Variants in CNTN5 observed in about 807,000 individuals in gnomAD.
CNTN5 encodes the protein contactin-5.
CNTN5 carries 77 observed loss-of-function variants against 129.1 expected under a neutral mutation model. That is an observed-to-expected ratio of 0.60 (90% CI 0.50 to 0.72). The LOEUF (loss-of-function observed/expected upper bound fraction) is 0.72, where lower values mean the gene tolerates loss of function less well. CNTN5 is among the 30% of genes least tolerant of loss of function. The pLI is 0.00. For synonymous variants in CNTN5, 509 were observed against 465.6 expected, an observed-to-expected ratio of 1.09 and a Z score of -1.20; for missense variants, 1,478 against 1,328.8, an observed-to-expected ratio of 1.11 and a Z score of -1.75.
intron 13 of CNTN5, among the ~76,000 whole-genome samples, chr11:100,085,187 A>G (rs1231489815): frequency 1.3e-5 from 2 of 151,956 alleles, no homozygotes; most frequent in Admixed American, 6.6e-5. Context: ...TTTTTCTGGG[A>G]TATGTGTCAA....
intron 8 of CNTN5, among the ~76,000 whole-genome samples, chr11:99,961,402 C>A (rs1327081322): frequency 6.6e-6 from 1 of 151,888 alleles, no homozygotes; most frequent in East Asian, 1.9e-4. Context: ...AGAGCATCAC[C>A]AAGTGAGACA....
intron 3 of CNTN5, among the ~76,000 whole-genome samples, chr11:99,712,007 T>A (rs1466591019): frequency 6.6e-6 from 1 of 152,116 alleles, no homozygotes; most frequent in Admixed American, 6.6e-5. Flanking sequence ...AGTAATATAA[T>A]GGCTAGGTCA....
intron 8 of CNTN5, among the ~76,000 whole-genome samples, chr11:99,989,094 G>A (rs1445506644): frequency 1.3e-5 from 2 of 152,096 alleles, no homozygotes; most frequent in African/African-American, 4.8e-5. Context: ...TAATCTGCTA[G>A]ACTTAAATGT....
At chr11:99,311,985 T>C (rs758545782) in intron 1 of CNTN5, among the ~76,000 whole-genome samples, 1 of 152,164 alleles carries the variant, frequency 6.6e-6, no homozygotes, top group Non-Finnish European at 1.5e-5. Context: ...AGAAATCACC[T>C]TGGTTGGCTG....
At chr11:99,898,452 A>G (rs748585681) in intron 6 of CNTN5, among the ~76,000 whole-genome samples, 1 of 152,114 alleles carries the variant, frequency 6.6e-6, no homozygotes, top group Non-Finnish European at 1.5e-5. Flanking sequence ...TACACAAACT[A>G]GAAAACCTGA....
chr11:99,413,002 A>G (rs949231583), intron 2 of CNTN5, among the ~76,000 whole-genome samples: 7 of 152,346 alleles, frequency 4.6e-5, no homozygotes, highest in African/African-American at 1.7e-4. Context: ...TATAAACTGC[A>G]GCAGCATGTG....
At chr11:99,027,517 A>C (rs993602424) in intron 1 of CNTN5, among the ~76,000 whole-genome samples, 1 of 151,714 alleles carries the variant, frequency 6.6e-6, no homozygotes, top group African/African-American at 2.4e-5. Context: ...TTCTGTTACA[A>C]TATTAAAGGA....
At chr11:99,627,975 A>G (rs752484490) in intron 3 of CNTN5, among the ~76,000 whole-genome samples, 1 of 150,018 alleles carries the variant, frequency 6.7e-6, no homozygotes, top group Non-Finnish European at 1.5e-5. Context: ...AATTGTAGGC[A>G]TTTCATTCTT....
intron 15 of CNTN5, among the ~76,000 whole-genome samples, chr11:100,220,749 T>C (rs1214346236): frequency 1.3e-5 from 2 of 152,214 alleles, no homozygotes; most frequent in Non-Finnish European, 2.9e-5. Context: ...GGAGTGATTT[T>C]CCCAAGGTGA....
At chr11:99,432,588 A>C (rs1943433527) in intron 2 of CNTN5, among the ~76,000 whole-genome samples, 1 of 151,814 alleles carries the variant, frequency 6.6e-6, no homozygotes, top group South Asian at 2.1e-4. Flanking sequence ...TTATACAAAC[A>C]GTCATAATAT....
intron 8 of CNTN5, among the ~76,000 whole-genome samples, chr11:99,989,751 T>A (rs535204960): frequency 6.6e-6 from 1 of 152,282 alleles, no homozygotes; most frequent in East Asian, 1.9e-4. Context: ...TATAAAATTT[T>A]AAAAGTTTGC....
At chr11:99,420,374 C>T (rs1942835155) in intron 2 of CNTN5, among the ~76,000 whole-genome samples, 1 of 152,158 alleles carries the variant, frequency 6.6e-6, no homozygotes. Flanking sequence ...AGTGTGCATG[C>T]AAGCCCTGGG....
chr11:100,263,882 G>C (rs1254937186), intron 17 of CNTN5, among the ~76,000 whole-genome samples: 1 of 152,026 alleles, frequency 6.6e-6, no homozygotes, highest in Non-Finnish European at 1.5e-5. Context: ...GCTTACTTTT[G>C]GAGAGGTTTT....
At chr11:99,528,570 T>G (rs1947577039) in intron 2 of CNTN5, among the ~76,000 whole-genome samples, 1 of 152,210 alleles carries the variant, frequency 6.6e-6, no homozygotes. Context: ...TTGAGAAACT[T>G]TATCTTTCAC....
chr11:99,288,568 C>T (rs1864039449), intron 1 of CNTN5, among the ~76,000 whole-genome samples: 1 of 151,744 alleles, frequency 6.6e-6, no homozygotes, highest in African/African-American at 2.4e-5. Context: ...TGTCATTTAT[C>T]ACACTTTTTA....
At chr11:99,964,429 C>T (rs1407682508) in intron 8 of CNTN5, among the ~76,000 whole-genome samples, 10 of 152,080 alleles carry the variant, frequency 6.6e-5, no homozygotes, top group Admixed American at 5.9e-4. Flanking sequence ...GTGGTTTTTG[C>T]CGTTGGTTCT....
chr11:100,182,082 A>G (rs1177152235), intron 13 of CNTN5, among the ~76,000 whole-genome samples: 1 of 152,114 alleles, frequency 6.6e-6, no homozygotes, highest in Non-Finnish European at 1.5e-5. Flanking sequence ...ATAGTATTCA[A>G]AATGGTGTGG....
At chr11:100,088,422 G>T (rs1170951593) in intron 13 of CNTN5, among the ~76,000 whole-genome samples, 1 of 151,830 alleles carries the variant, frequency 6.6e-6, no homozygotes, top group Non-Finnish European at 1.5e-5. Flanking sequence ...AGAAACAAAA[G>T]TTCATGCAAA....
At chr11:99,335,536 C>T (rs1463512611) in intron 2 of CNTN5, among the ~76,000 whole-genome samples, 1 of 151,590 alleles carries the variant, frequency 6.6e-6, no homozygotes, top group East Asian at 2.0e-4. Context: ...GAAAACAAGA[C>T]CGAGAATGGA....
Sources: gnomAD v4.1 joint callset for allele counts (sites outside exome capture counted in the v4.1 genomes callset) on GRCh38, gnomAD v4.1.1 for gene constraint, MANE v1.5 for transcripts, NCBI Gene and HGNC (gene_info 2026-07-23, HGNC 2026-07-21) for gene names.